Variants in FCSK observed in about 807,000 individuals in gnomAD.
The protein encoded by FCSK is L-fucose kinase.
A neutral mutation model predicts 122.5 loss-of-function variants in FCSK; 123 were observed. The observed-to-expected ratio is 1.00, with a 90% confidence interval of 0.87 to 1.17. The LOEUF is 1.17. Ranked by LOEUF, FCSK falls within the 50% of genes most tolerant of loss-of-function variation. FCSK has a pLI of 0.00. For missense variants in FCSK, 1,366 were observed against 1,450.4 expected, an observed-to-expected ratio of 0.94 and a Z score of 0.95; for synonymous variants, 620 against 625.5, an observed-to-expected ratio of 0.99 and a Z score of 0.13.
chr16:70,468,090 G>C, intron 8 of FCSK, 124 bp downstream of exon 8: 2 of 754,832 alleles, frequency 2.6e-6, no homozygotes, highest in South Asian at 3.2e-5. Flanking sequence ...TCTGAGGACA[G>C]GGTAGCCTTG....
intron 13 of FCSK, 31 bp from the exon 14 acceptor site, chr16:70,472,510 G>A (rs763913081): frequency 1.3e-5 from 20 of 1,591,736 alleles, no homozygotes; most frequent in Admixed American, 1.7e-5. Context: ...TGTGGCCCCT[G>A]CAGCCCTGAC....
In FCSK at chr16:70,468,889, G is replaced by A. The variant is rs200717651; in HGVS notation, c.704G>A (p.Arg235His). The change falls in exon 9 of 24, where the codon CGC (arginine) becomes CAC (histidine). Residue 235 changes from arginine (R) to histidine (H), a missense_variant. Transcript: ENST00000288078. ...TTCTTCTCTGTGGAGACTGCCGAGC[G>A]CCTCCTAGCCACCCACGTGAGCCCG... ...VVFFSVETAE[R>H]LLATHVSPPL... 49 of 1,613,958 alleles carry A rather than the reference G, an allele frequency of 3.0e-5. No individual in the cohort carries two copies. The East Asian group carries it at 6.5e-4, about 21-fold the overall frequency.
At position 70,474,593 on chromosome 16, in the gene FCSK, C is replaced by G. The variant is rs778233490; in HGVS notation, c.2054C>G (p.Ala685Gly). The G allele has an allele frequency of 3.8e-6, 6 of 1,570,654 alleles. No individual in the cohort carries two copies. The African/African-American group carries it at 5.4e-5, about 14-fold the overall frequency. ...EGAGQILIRQ[A>G]VMSAQHFVST... ...GCTGGTCAGATCCTGATCCGCCAGGCTGTGATGTCAGCCCAGCACTTTGTC... is the reference window on the plus strand; with the variant it reads ...GCTGGTCAGATCCTGATCCGCCAGGGTGTGATGTCAGCCCAGCACTTTGTC... The change falls in exon 17 of 24, where the codon GCT (alanine) becomes GGT (glycine). Residue 685 changes from alanine to glycine, a missense_variant. Transcript: ENST00000288078.
Position 70,472,628 on chromosome 16 carries a change from C to A in FCSK, c.1406+23C>A, listed in dbSNP as rs368723137. 1.7e-5 allele frequency: 27 copies of A among 1,589,314 alleles called. 1 individual carries two copies. The African/African-American group carries it at 3.1e-4, about 18-fold the overall frequency. On this transcript the variant is annotated intron_variant, in intron 14 of 23. Transcript: ENST00000288078. ...TCGGTAAGGTGGACACCCCTAGGGC[C>A]TCTGTGGGCCTGGGCAGCTGGGGTG...
intron 22 of FCSK, chr16:70,478,884 G>C (rs908630174): frequency 1.4e-6 from 1 of 698,814 alleles, no homozygotes; most frequent in Non-Finnish European, 2.6e-6. Context: ...GCAGAGAGGG[G>C]AAGGGACTCA....
intron 1 of FCSK, among the ~76,000 whole-genome samples, chr16:70,461,686 T>TG (rs17878934): frequency 0.12 from 18,542 of 152,154 alleles, 3,744 homozygotes; most frequent in African/African-American, 0.42. Flanking sequence ...TTGAGGAGCC[T>TG]GGGGGGTGGG....
In FCSK at chr16:70,479,614, G is replaced by A. The variant is rs1344616039; in HGVS notation, c.3189G>A (p.Val1063=). The change falls in exon 24 of 24, where the codon GTG becomes GTA. Residue 1063 remains valine (V), a synonymous_variant. Transcript: ENST00000288078. The stretch of plus-strand genomic sequence containing the variant: ...ATTACAGCATCCACCTGGTTGAAGT[G>A]GACACTCAGGGCCTGAGCCTGAAGC... ...LGNYSIHLVE[V]DTQGLSLKLL... 1 of 1,614,070 alleles carries A rather than the reference G, an allele frequency of 6.2e-7. No individual in the cohort carries two copies. The highest frequency in any genetic ancestry group is 8.5e-7 in the Non-Finnish European group (1 of 1,179,954).
chr16:70,474,666 T>C lies in FCSK; in HGVS notation c.2127T>C (p.Ala709=). The C allele has an allele frequency of 1.2e-6, 2 of 1,601,918 alleles. No homozygotes were observed. The highest frequency in any genetic ancestry group is 1.7e-6 in the Non-Finnish European group (2 of 1,174,884). The part of the protein sequence containing the change: ...ELPGPGQWVV[A]ECPARVDFSG... ...CGGGACCTGGGCAGTGGGTGGTGGC[T>C]GAGTGCCCGGCCCGTGTGGATTTCT... The change falls in exon 17 of 24, where the codon GCT becomes GCC. Residue 709 remains alanine (A), a synonymous_variant. Transcript: ENST00000288078.
chr16:70,458,979 G>GA (rs1272942514), intron 1 of FCSK, among the ~76,000 whole-genome samples: 1 of 151,846 alleles, frequency 6.6e-6, no homozygotes, highest in African/African-American at 2.4e-5. Context: ...AAAAAAGGCT[G>GA]AGGCAGGAGG....
Position 70,463,643 on chromosome 16 carries a change from CG to C in FCSK, c.106del (p.Glu36SerfsTer36). On this transcript the variant is annotated frameshift_variant, in exon 3 of 24. Transcript: ENST00000288078. LOFTEE classifies it high-confidence loss of function. ...FQRELEVRQK[R>X]EQIPAGTLLL... ...CCTAGAACTGGAAGTGCGGCAGAAG[CG>C]GGAGCAGATCCCTGCTGGGACGCTG... 6.2e-7 allele frequency: 1 copy of C among 1,613,508 alleles called. No homozygotes were observed. Among genetic ancestry groups the C allele is most frequent in the Non-Finnish European group, 8.5e-7 (1 of 1,180,006 alleles).
In FCSK at chr16:70,475,319, G is replaced by A. The variant is rs77642367; in HGVS notation, c.2378-31G>A. The A allele has an allele frequency of 6.0e-3, 9,616 of 1,605,714 alleles. 531 individuals are homozygous for A. In the African/African-American group the frequency reaches 0.11, roughly 19 times the overall value. The stretch of plus-strand genomic sequence containing the variant: ...GTGCCTGCGTCTGCCCATCGAGACT[G>A]AATTCCTTTCTCATGCCTGTCCTTC... On this transcript the variant is annotated intron_variant, in intron 18 of 23. Transcript: ENST00000288078.
chr16:70,471,965 C>T (rs978094002), intron 13 of FCSK, among the ~76,000 whole-genome samples: 3 of 152,126 alleles, frequency 2.0e-5, no homozygotes, highest in African/African-American at 7.2e-5. Flanking sequence ...ACCACCACGC[C>T]TGGCAAATTT....
At chr16:70,459,902 A>G (rs2048209785) in intron 1 of FCSK, among the ~76,000 whole-genome samples, 1 of 150,348 alleles carries the variant, frequency 6.7e-6, no homozygotes, top group South Asian at 2.1e-4. Flanking sequence ...CCCAGGTTGA[A>G]GTGATTCTCC....
At chr16:70,456,231 C>T (rs2048092045) in intron 1 of FCSK, among the ~76,000 whole-genome samples, 1 of 152,156 alleles carries the variant, frequency 6.6e-6, no homozygotes, top group Non-Finnish European at 1.5e-5. Context: ...AAAGCAATGG[C>T]AAAAGCCAAA....
intron 5 of FCSK, 45 bp from the exon 6 acceptor site, chr16:70,466,837 G>A (rs367786866): frequency 6.4e-7 from 1 of 1,573,376 alleles, no homozygotes. Flanking sequence ...GCAGGTGAAG[G>A]CCTGGGCCAG....
intron 1 of FCSK, chr16:70,457,838 C>T (rs557326697): frequency 6.6e-6 from 1 of 151,170 alleles, no homozygotes; most frequent in Non-Finnish European, 1.5e-5. Context: ...CTCAAGCCAT[C>T]CGCCTGTCTT....
Position 70,468,847 on chromosome 16 carries a change from A to G in FCSK, c.664-2A>G, listed in dbSNP as rs923099644. ...CTCTGATCCTTTTGGGGTCCCTTCC[A>G]GGTCTCTGGGGTTGTCTTCTTCTCT... On this transcript the variant is annotated splice_acceptor_variant, in intron 8 of 23. Transcript: ENST00000288078. LOFTEE classifies it high-confidence loss of function. 2.2e-5 allele frequency: 36 copies of G among 1,613,508 alleles called. No individual in the cohort carries two copies. Among genetic ancestry groups the G allele is most frequent in the Non-Finnish European group, 3.0e-5 (35 of 1,179,878 alleles).
chr16:70,474,441 A>G (rs2048730677), intron 16 of FCSK, 87 bp from the exon 17 acceptor site: 22 of 1,542,864 alleles, frequency 1.4e-5, no homozygotes, highest in South Asian at 4.8e-5. Flanking sequence ...TCCCTTGGGT[A>G]CCCCGGGACA....
At chr16:70,463,144 A>ACAG in intron 1 of FCSK, 25 bp from the exon 2 acceptor site, 1 of 1,313,428 alleles carries the variant, frequency 7.6e-7, no homozygotes, top group Non-Finnish European at 1.1e-6. Flanking sequence ...AAAAATAGTC[A>ACAG]CATCTACCCA....
Sources: gnomAD v4.1 joint callset for allele counts (sites outside exome capture counted in the v4.1 genomes callset) on GRCh38, gnomAD v4.1.1 for gene constraint, MANE v1.5 for transcripts, NCBI Gene and HGNC (gene_info 2026-07-23, HGNC 2026-07-21) for gene names.